Variants in TCF7L2 observed in about 807,000 individuals in gnomAD.
TCF7L2 encodes transcription factor 7 like 2.
Under a neutral mutation model 77.9 loss-of-function variants are expected in TCF7L2, and 23 were observed. The observed-to-expected ratio is 0.30, with a 90% confidence interval of 0.21 to 0.42. The LOEUF is 0.42. Among genes scored for constraint, TCF7L2 ranks in the 10% least tolerant of loss-of-function variants. The pLI, the probability that TCF7L2 is intolerant of heterozygous loss-of-function variation, is 1.00. For synonymous variants in TCF7L2, 413 were observed against 340.2 expected (o/e 1.21, Z -2.36); for missense variants, 654 against 793.1 (o/e 0.82, Z 2.11).
intron 5 of TCF7L2, among the ~76,000 whole-genome samples, chr10:113,078,218 A>G (rs1160447866): frequency 1.3e-5 from 2 of 152,218 alleles, no homozygotes; most frequent in Admixed American, 1.3e-4. Context: ...TTCCTATGGT[A>G]ATGACTGTTA....
chr10:113,062,056 G>A (rs1474025020), intron 5 of TCF7L2, among the ~76,000 whole-genome samples: 1 of 152,156 alleles, frequency 6.6e-6, no homozygotes, highest in Non-Finnish European at 1.5e-5. Flanking sequence ...GGTTGAGGGT[G>A]TAGAGAGCAA....
At chr10:113,128,381 G>C (rs2066008328) in intron 5 of TCF7L2, among the ~76,000 whole-genome samples, 1 of 152,130 alleles carries the variant, frequency 6.6e-6, no homozygotes, top group South Asian at 2.1e-4. Flanking sequence ...GGAGCGGCGA[G>C]GGTGATTAAC....
chr10:113,098,335 A>G (rs2061281326), intron 5 of TCF7L2, among the ~76,000 whole-genome samples: 2 of 152,122 alleles, frequency 1.3e-5, no homozygotes, highest in African/African-American at 2.4e-5. Context: ...TTTCAAATCT[A>G]CACTCAATGG....
intron 4 of TCF7L2, among the ~76,000 whole-genome samples, chr10:113,017,930 A>G (rs891338417): frequency 1.2e-4 from 19 of 152,168 alleles, no homozygotes; most frequent in African/African-American, 4.3e-4. Flanking sequence ...TTTAAAATGC[A>G]TCCTTTTTGC....
intron 4 of TCF7L2, among the ~76,000 whole-genome samples, chr10:112,995,048 C>G (rs886406542): frequency 6.6e-6 from 1 of 152,138 alleles, no homozygotes; most frequent in Non-Finnish European, 1.5e-5. Context: ...TTGCAGTGAG[C>G]GGAGATCATG....
intron 5 of TCF7L2, among the ~76,000 whole-genome samples, chr10:113,068,973 C>T (rs2057607283): frequency 6.6e-6 from 1 of 151,390 alleles, no homozygotes; most frequent in African/African-American, 2.4e-5. Flanking sequence ...GCCTACCCTT[C>T]TTTGGATGGG....
chr10:113,110,777 G>T (rs1201983875), intron 5 of TCF7L2, among the ~76,000 whole-genome samples: 1 of 152,212 alleles, frequency 6.6e-6, no homozygotes, highest in Non-Finnish European at 1.5e-5. Flanking sequence ...GGGTCAAAGA[G>T]AAGAAATCCA....
At chr10:113,124,203 T>A (rs1043279193) in intron 5 of TCF7L2, among the ~76,000 whole-genome samples, 19 of 72,610 alleles carry the variant, frequency 2.6e-4, no homozygotes, top group Non-Finnish European at 3.2e-4. Context: ...TAAAAAAAAT[T>A]TTTTTTATGA....
At chr10:113,110,947 A>G (rs1296435585) in intron 5 of TCF7L2, among the ~76,000 whole-genome samples, 1 of 152,082 alleles carries the variant, frequency 6.6e-6, no homozygotes, top group Admixed American at 6.5e-5. Context: ...TTAACACCAT[A>G]TTCCCCAAGT....
At chr10:113,146,224 G>A (rs1236985977) in intron 8 of TCF7L2, 127 bp downstream of exon 8, 1 of 842,764 alleles carries the variant, frequency 1.2e-6, no homozygotes, top group South Asian at 1.7e-5. Context: ...AGCCAATGTG[G>A]CATTAGGCTG....
At chr10:113,142,033 C>T (rs964506604) in intron 6 of TCF7L2, among the ~76,000 whole-genome samples, 1 of 152,210 alleles carries the variant, frequency 6.6e-6, no homozygotes, top group Non-Finnish European at 1.5e-5. Context: ...TAAACAGAGT[C>T]TTGCTCTGTC....
chr10:112,987,433 T>TTC (rs1554899114), intron 4 of TCF7L2: 14 of 144,470 alleles, frequency 9.7e-5, no homozygotes, highest in Non-Finnish European at 1.6e-4. Context: ...TTTTTTTTTT[T>TTC]CCCCCAAATG....
intron 5 of TCF7L2, 148 bp downstream of exon 5, chr10:113,040,274 A>C: frequency 2.9e-6 from 2 of 692,806 alleles, no homozygotes; most frequent in Non-Finnish European, 4.7e-6. Context: ...GTTTATATCT[A>C]TAAGGTATTC....
intron 4 of TCF7L2, among the ~76,000 whole-genome samples, chr10:112,998,103 T>C (rs944079468): frequency 6.9e-6 from 1 of 144,078 alleles, no homozygotes; most frequent in African/African-American, 2.5e-5. Context: ...TGGTCCTACT[T>C]TTTTTTTTTT....
chr10:113,029,270 A>T (rs2049771840), intron 4 of TCF7L2, among the ~76,000 whole-genome samples: 1 of 151,964 alleles, frequency 6.6e-6, no homozygotes, highest in Non-Finnish European at 1.5e-5. Flanking sequence ...CCTCTTTCCC[A>T]TGTTTCTTCA....
chr10:113,059,214 G>A (rs1271487913), intron 5 of TCF7L2, among the ~76,000 whole-genome samples: 2 of 151,914 alleles, frequency 1.3e-5, no homozygotes, highest in Non-Finnish European at 2.9e-5. Flanking sequence ...AAATGTTTTC[G>A]GAGTGCCAGA....
intron 5 of TCF7L2, among the ~76,000 whole-genome samples, chr10:113,123,287 A>G (rs1361360526): frequency 2.0e-5 from 3 of 152,250 alleles, no homozygotes; most frequent in African/African-American, 7.2e-5. Context: ...ACAAAGATGC[A>G]GATTAAGGAT....
At chr10:113,029,499 G>A (rs1590716032) in intron 4 of TCF7L2, among the ~76,000 whole-genome samples, 1 of 149,766 alleles carries the variant, frequency 6.7e-6, no homozygotes, top group Middle Eastern at 3.5e-3. Context: ...GTGTGTGTAT[G>A]TGACTCTGTC....
At chr10:112,954,496 A>G (rs868127184) in intron 3 of TCF7L2, among the ~76,000 whole-genome samples, 38 of 152,208 alleles carry the variant, frequency 2.5e-4, no homozygotes, top group African/African-American at 8.7e-4. Context: ...AATGACAAAG[A>G]TTTCTGCATA....
Sources: allele counts gnomAD v4.1 joint callset (sites outside exome capture counted in the v4.1 genomes callset), GRCh38; gene constraint gnomAD v4.1.1; transcripts MANE v1.5; gene names NCBI Gene and HGNC (gene_info 2026-07-23, HGNC 2026-07-21).